Variants in NEK11 observed in about 807,000 individuals in gnomAD.
NEK11 encodes NIMA related kinase 11, also known as serine/threonine-protein kinase Nek11.
NEK11 carries 72 observed loss-of-function variants against 80.7 expected under a neutral mutation model. The observed-to-expected ratio is 0.89, with a 90% CI of 0.74 to 1.08. The LOEUF (loss-of-function observed/expected upper bound fraction) is 1.08. NEK11 is among the 50% of genes least tolerant of loss of function. The pLI is 0.00. For missense variants in NEK11, 764 were observed against 763.6 expected, an observed-to-expected ratio of 1.00 and a Z score of -0.01; for synonymous variants, 251 against 260.7, an observed-to-expected ratio of 0.96 and a Z score of 0.36.
intron 16 of NEK11, among the ~76,000 whole-genome samples, chr3:131,257,021 A>G (rs2095827628): frequency 6.6e-6 from 1 of 151,606 alleles, no homozygotes; most frequent in African/African-American, 2.4e-5. Flanking sequence ...GTCTCACTCT[A>G]TTGCCTGTGC....
chr3:131,038,249 T>G (rs971236472), intron 3 of NEK11, among the ~76,000 whole-genome samples: 1 of 152,196 alleles, frequency 6.6e-6, no homozygotes, highest in Non-Finnish European at 1.5e-5. Context: ...GACTTCACTT[T>G]GGGCTTTGTC....
chr3:131,273,995 A>G (rs1289625689), intron 17 of NEK11, among the ~76,000 whole-genome samples: 1 of 151,546 alleles, frequency 6.6e-6, no homozygotes, highest in Non-Finnish European at 1.5e-5. Flanking sequence ...TTTAGGGTAC[A>G]TGTGCACATT....
At chr3:131,221,630 CT>C (rs1174384729) in intron 14 of NEK11, among the ~76,000 whole-genome samples, 15 of 152,110 alleles carry the variant, frequency 9.9e-5, no homozygotes, top group Admixed American at 7.2e-4. Context: ...TTGGTTTTCT[CT>C]TCAGGCAAAG....
At chr3:131,200,902 C>T (rs564619451) in intron 14 of NEK11, among the ~76,000 whole-genome samples, 4 of 152,198 alleles carry the variant, frequency 2.6e-5, no homozygotes, top group Admixed American at 1.3e-4. Context: ...CCTGGTGTTT[C>T]GGTAACATGT....
At chr3:131,271,518 G>A (rs912932564) in intron 16 of NEK11, among the ~76,000 whole-genome samples, 1 of 152,240 alleles carries the variant, frequency 6.6e-6, no homozygotes, top group African/African-American at 2.4e-5. Context: ...AATAGAGCCA[G>A]TCGGGGTGGC....
At chr3:131,342,549 C>CT (rs201528368) in intron 17 of NEK11, among the ~76,000 whole-genome samples, 22,486 of 135,604 alleles carry the variant, frequency 0.17, 2,980 homozygotes, top group African/African-American at 0.37. Flanking sequence ...CTCCTGGTGT[C>CT]TTTTTTTTTT....
At chr3:131,215,296 A>G (rs886433038) in intron 14 of NEK11, among the ~76,000 whole-genome samples, 2 of 149,194 alleles carry the variant, frequency 1.3e-5, no homozygotes, top group Non-Finnish European at 3.0e-5. Flanking sequence ...GGGGGAAGGG[A>G]TAGCATTAGG....
intron 7 of NEK11, among the ~76,000 whole-genome samples, chr3:131,145,171 T>C (rs2087879826): frequency 6.6e-6 from 1 of 151,936 alleles, no homozygotes; most frequent in South Asian, 2.1e-4. Context: ...GCCCAGTTAA[T>C]ATATTTTTAT....
chr3:131,095,872 G>T (rs1222636472), intron 4 of NEK11, among the ~76,000 whole-genome samples: 2 of 152,088 alleles, frequency 1.3e-5, no homozygotes, highest in Non-Finnish European at 2.9e-5. Flanking sequence ...ATGTCAAAGG[G>T]TTTAAAATAA....
rs531941130 is a variant in NEK11 at position 131,342,723 on chromosome 3, A to T, written c.1719-6834A>T. On this transcript the variant is annotated intron_variant, in intron 17 of 17. Transcript: ENST00000383366. Reference sequence around the variant, plus strand: ...TACATGATAGTAAATAATACCTAGCATGATAAGAGGTGTGTGTGTGTGTAT... The same window carrying T: ...TACATGATAGTAAATAATACCTAGCTTGATAAGAGGTGTGTGTGTGTGTAT... Among the ~76,000 whole-genome samples, 13 of 152,020 alleles carry T rather than the reference A, an allele frequency of 8.6e-5. No homozygotes were observed. The East Asian group carries it at 2.5e-3, about 29-fold the overall frequency.
At chr3:131,337,616 AATAAT>A (rs1358744444) in intron 17 of NEK11, among the ~76,000 whole-genome samples, 1 of 151,268 alleles carries the variant, frequency 6.6e-6, no homozygotes, top group Non-Finnish European at 1.5e-5. Context: ...AAAGTATAAT[AATAAT>A]AAAATTTAAA....
chr3:131,314,799 CCTTT>C (rs1400143243), intron 17 of NEK11, among the ~76,000 whole-genome samples: 3 of 152,174 alleles, frequency 2.0e-5, no homozygotes, highest in South Asian at 2.1e-4. Flanking sequence ...CTGGGACAAG[CCTTT>C]CTAAGCTCCC....
intron 16 of NEK11, among the ~76,000 whole-genome samples, chr3:131,259,800 G>A (rs2095880045): frequency 1.3e-5 from 2 of 152,142 alleles, no homozygotes; most frequent in Admixed American, 6.5e-5. Flanking sequence ...TTTCCTGAAG[G>A]GGCCACAGCT....
intron 5 of NEK11, among the ~76,000 whole-genome samples, chr3:131,118,355 G>T (rs961292696): frequency 6.6e-6 from 1 of 152,198 alleles, no homozygotes; most frequent in East Asian, 1.9e-4. Context: ...GCTTCTTGAT[G>T]TGCTGTTGGA....
At chr3:131,187,451 A>C (rs907368201) in intron 14 of NEK11, among the ~76,000 whole-genome samples, 2 of 152,192 alleles carry the variant, frequency 1.3e-5, no homozygotes, top group African/African-American at 4.8e-5. Context: ...TAAAACTCAC[A>C]AAAGATTCTA....
chr3:131,219,461 G>T (rs1316944512), intron 14 of NEK11, among the ~76,000 whole-genome samples: 3 of 151,870 alleles, frequency 2.0e-5, no homozygotes, highest in African/African-American at 7.3e-5. Context: ...GTTGATGGGT[G>T]CAGCAAACCT....
At chr3:131,207,449 G>A (rs1313752643) in intron 14 of NEK11, among the ~76,000 whole-genome samples, 1 of 152,142 alleles carries the variant, frequency 6.6e-6, no homozygotes, top group Non-Finnish European at 1.5e-5. Flanking sequence ...TGGGCGCGGT[G>A]GCAGGCACCT....
intron 7 of NEK11, among the ~76,000 whole-genome samples, chr3:131,135,970 T>C (rs1016571249): frequency 6.6e-6 from 1 of 152,056 alleles, no homozygotes; most frequent in African/African-American, 2.4e-5. Context: ...TTATTTCTTT[T>C]TAAAAAATTG....
chr3:131,109,176 G>A (rs913186648), intron 4 of NEK11, among the ~76,000 whole-genome samples: 4 of 152,036 alleles, frequency 2.6e-5, no homozygotes, highest in Non-Finnish European at 5.9e-5. Context: ...TATCATTAAA[G>A]CATTTAAAAC....
Sources: allele counts gnomAD v4.1 joint callset (sites outside exome capture counted in the v4.1 genomes callset), GRCh38; gene constraint gnomAD v4.1.1; transcripts MANE v1.5; gene names NCBI Gene and HGNC (gene_info 2026-07-23, HGNC 2026-07-21).